DNAH5: variants seen among roughly 807,000 people sequenced by gnomAD.
DNAH5 encodes the protein dynein axonemal heavy chain 5.
DNAH5 carries 372 observed loss-of-function variants against 518.2 expected under a neutral mutation model. The ratio of observed to expected loss-of-function variants is 0.72; its 90% CI spans 0.66 to 0.78. DNAH5 has a LOEUF of 0.78. Among genes scored for constraint, DNAH5 ranks in the 30% least tolerant of loss-of-function variants. DNAH5 has a pLI of 0.00. For synonymous variants in DNAH5, 2,039 were observed against 2,025.9 expected (o/e 1.01, Z -0.17); for missense variants, 5,523 against 5,687.0 (o/e 0.97, Z 0.93).
chr5:13,889,185 C>A (rs1772840198), intron 17 of DNAH5, among the ~76,000 whole-genome samples: 1 of 152,076 alleles, frequency 6.6e-6, no homozygotes, highest in Admixed American at 6.5e-5. Context: ...CTAAAACTTT[C>A]TTTTAAATTT....
At chr5:13,764,302 CATTA>C (rs552975731) in intron 59 of DNAH5, among the ~76,000 whole-genome samples, 1 of 152,192 alleles carries the variant, frequency 6.6e-6, no homozygotes, top group South Asian at 2.1e-4. Context: ...CAAAAGACAC[CATTA>C]ATCGAGGGAA....
intron 71 of DNAH5, among the ~76,000 whole-genome samples, chr5:13,720,727 C>T (rs927659875): frequency 6.6e-6 from 1 of 152,108 alleles, no homozygotes; most frequent in African/African-American, 2.4e-5. Context: ...CACAGAATCC[C>T]ATTTCTTTGG....
At chr5:13,984,976 C>T (rs1377361144) in intron 1 of DNAH5, among the ~76,000 whole-genome samples, 2 of 152,120 alleles carry the variant, frequency 1.3e-5, no homozygotes, top group Non-Finnish European at 2.9e-5. Context: ...GACACATGCA[C>T]ATGTATGTTT....
rs1472872032 is a variant in DNAH5, at chr5:13,691,944, T to C, written c.*40A>G. 6.2e-7 allele frequency: 1 copy of C among 1,613,346 alleles called. No individual in the cohort carries two copies. Among genetic ancestry groups the C allele is most frequent in the Admixed American group, 1.7e-5 (1 of 59,990 alleles). ...ATAAAGGTTACAATAATTTAGATCTTGCATTTTCCAAAGCATTGGGTGGGG... is the reference window on the plus strand; with the variant it reads ...ATAAAGGTTACAATAATTTAGATCTCGCATTTTCCAAAGCATTGGGTGGGG... On this transcript the variant is annotated 3_prime_UTR_variant, in exon 79 of 79. Coordinates refer to ENST00000265104, the MANE Select transcript of DNAH5 (RefSeq NM_001369.3).
chr5:13,734,734 C>A (rs1057095241), intron 68 of DNAH5, among the ~76,000 whole-genome samples: 2 of 152,122 alleles, frequency 1.3e-5, no homozygotes, highest in African/African-American at 4.8e-5. Flanking sequence ...CCATTGAATA[C>A]CTCACTTAAA....
At chr5:13,997,071 G>A (rs886734378) in intron 1 of DNAH5, among the ~76,000 whole-genome samples, 3 of 152,220 alleles carry the variant, frequency 2.0e-5, no homozygotes, top group African/African-American at 7.2e-5. Context: ...TTAGCATCAT[G>A]AGGATACCAC....
intron 47 of DNAH5, among the ~76,000 whole-genome samples, chr5:13,801,282 C>G (rs1015118820): frequency 2.0e-5 from 3 of 152,190 alleles, no homozygotes; most frequent in Non-Finnish European, 4.4e-5. Context: ...TCCACCTTTG[C>G]TCTCTCACTC....
chr5:13,839,562 T>G, intron 34 of DNAH5, 34 bp from the exon 35 acceptor site: 1 of 1,548,072 alleles, frequency 6.5e-7, no homozygotes, highest in Non-Finnish European at 8.9e-7. Flanking sequence ...AGAGCTCTGA[T>G]GAGAATCACT....
In DNAH5 at chr5:13,867,923, G is replaced by C. The variant is rs1335346987; in HGVS notation, c.3904C>G (p.Leu1302Val). 1.6e-5 allele frequency: 26 copies of C among 1,613,984 alleles called. No individual in the cohort carries two copies. Among genetic ancestry groups the C allele is most frequent in the Non-Finnish European group, 2.2e-5 (26 of 1,179,976 alleles). Reference sequence around the variant, plus strand: ...AGCAGCTTCTCCCAAGCATAGTGCAGTGTATCAACTTTGTCTATCTCTTCC... The same window carrying C: ...AGCAGCTTCTCCCAAGCATAGTGCACTGTATCAACTTTGTCTATCTCTTCC... ...AREEIDKVDT[L>V]HYAWEKLLAR... Residue 1302 changes from leucine (L) to valine (V), a missense_variant, in exon 25 of 79, where the codon CTG (leucine) becomes GTG (valine). Coordinates refer to ENST00000265104, the MANE Select transcript of DNAH5 (RefSeq NM_001369.3).
intron 77 of DNAH5, 121 bp downstream of exon 77, chr5:13,701,163 C>G (rs879177349): frequency 7.5e-7 from 1 of 1,341,266 alleles, no homozygotes; most frequent in Admixed American, 1.7e-5. Flanking sequence ...GACAATGTAA[C>G]TGCTAGTACC....
chr5:13,758,696 T>C, intron 61 of DNAH5, 150 bp downstream of exon 61: 1 of 1,133,124 alleles, frequency 8.8e-7, no homozygotes. Flanking sequence ...TGACTGACCA[T>C]CCTGTTGTCT....
At chr5:13,830,492 A>C in intron 36 of DNAH5, 105 bp downstream of exon 36, 1 of 1,400,714 alleles carries the variant, frequency 7.1e-7, no homozygotes, top group South Asian at 1.2e-5. Context: ...AATTTTACAA[A>C]GTTGAAAATG....
intron 3 of DNAH5, among the ~76,000 whole-genome samples, chr5:13,924,808 G>T (rs964199223): frequency 9.2e-5 from 14 of 152,090 alleles, no homozygotes; most frequent in African/African-American, 3.4e-4. Context: ...ATCAGTACTT[G>T]AACAGTCATC....
intron 2 of DNAH5, among the ~76,000 whole-genome samples, chr5:13,929,123 T>C (rs1560954961): frequency 6.6e-6 from 1 of 152,218 alleles, no homozygotes. Flanking sequence ...AAATGTGGTA[T>C]ACATATACAA....
chr5:13,790,884 CA>C, intron 50 of DNAH5, among the ~76,000 whole-genome samples: 1 of 152,066 alleles, frequency 6.6e-6, no homozygotes. Context: ...CTCATGAACA[CA>C]AAGACAGAAA....
intron 70 of DNAH5, 88 bp from the exon 71 acceptor site, chr5:13,721,333 AATT>A: frequency 6.5e-7 from 1 of 1,536,336 alleles, no homozygotes; most frequent in Non-Finnish European, 9.0e-7. Context: ...TCATTTTTGT[AATT>A]ATCTCAGTGA....
chr5:13,727,508 T>C lies in DNAH5; in HGVS notation c.12032A>G (p.Gln4011Arg). The C allele has an allele frequency of 6.2e-7, 1 of 1,612,150 alleles. No homozygotes were observed. The highest frequency in any genetic ancestry group is 8.5e-7 in the Non-Finnish European group (1 of 1,178,762). ...RSWCPDRTIAQARKYIVDSMG... is the reference protein window; with the variant it reads ...RSWCPDRTIARARKYIVDSMG... The stretch of plus-strand genomic sequence containing the variant: ...TTCTCTTTAATATGGACTTTTTACC[T>C]GGGCGATGGTTCTGTCAGGACACCA... The change falls in exon 70 of 79, where the codon CAG becomes CGG. Residue 4011 changes from glutamine (Q) to arginine (R), a missense_variant and splice_region_variant. This residue lies in a region of DNAH5 where 5,121 missense variants were observed against 5,223.3 expected (regional missense o/e 0.98). Coordinates refer to ENST00000265104, the MANE Select transcript of DNAH5 (RefSeq NM_001369.3).
chr5:13,830,827 TTC>T (rs749012957), intron 35 of DNAH5, 52 bp from the exon 36 acceptor site: 46 of 1,573,806 alleles, frequency 2.9e-5, no homozygotes, highest in Non-Finnish European at 4.0e-5. Context: ...CTGGAAATAC[TTC>T]TGAGACATCA....
At chr5:13,835,251 C>T (rs553893895) in intron 35 of DNAH5, among the ~76,000 whole-genome samples, 64 of 150,128 alleles carry the variant, frequency 4.3e-4, no homozygotes, top group Admixed American at 7.3e-4. Flanking sequence ...TGTGATCCAG[C>T]CTGGGCGACA....
Sources: allele counts gnomAD v4.1 joint callset (sites outside exome capture counted in the v4.1 genomes callset), GRCh38; gene constraint gnomAD v4.1.1; regional missense constraint gnomAD v4.1.1; transcripts MANE v1.5; gene names NCBI Gene and HGNC (gene_info 2026-07-23, HGNC 2026-07-21).